PRSS57: variants seen among roughly 807,000 people sequenced by gnomAD.
PRSS57 encodes neutrophil serine protease 4.
Under a neutral mutation model 20.6 loss-of-function variants are expected in PRSS57, and 19 were observed. The ratio of observed to expected loss-of-function variants is 0.92; its 90% CI spans 0.64 to 1.35. PRSS57 has a LOEUF of 1.35. Ranked by LOEUF, PRSS57 falls within the 40% of genes most tolerant of loss-of-function variation. The probability of loss-of-function intolerance (pLI) is 0.00; values close to 1 mark genes in which losing one functional copy is unlikely to be tolerated. For synonymous variants in PRSS57, 203 were observed against 176.6 expected (o/e 1.15, Z -1.19); for missense variants, 440 against 403.7 (o/e 1.09, Z -0.77).
chr19:693,103 A>ATT (rs545511003), intron 2 of PRSS57, among the ~76,000 whole-genome samples: 3 of 146,486 alleles, frequency 2.0e-5, no homozygotes, highest in East Asian at 2.0e-4. Context: ...AATTTTTTGT[A>ATT]TTTTTTTTTA....
intron 4 of PRSS57, 69 bp from the exon 5 acceptor site, chr19:685,991 C>G: frequency 1.5e-6 from 2 of 1,341,776 alleles, no homozygotes; most frequent in South Asian, 2.6e-5. Flanking sequence ...CCACGGCCCT[C>G]CCTGCCTCAG....
rs1411213887 is a variant in PRSS57 at position 685,805 on chromosome 19, C to A, written c.760G>T (p.Val254Leu). The stretch of plus-strand genomic sequence containing the variant: ...CGAACCACGTCCCAGATCCAGGCCA[C>A]AAAGGCGGACACCTGCGTGTACACG... ...PDVYTQVSAF[V>L]AWIWDVVRRS... The change falls in exon 5 of 5, where the codon GTG (valine) becomes TTG (leucine). Residue 254 changes from valine (V) to leucine (L), a missense_variant. By Grantham distance (32) the Val-to-Leu change is conservative. Coordinates refer to ENST00000329267, the MANE Select transcript of PRSS57 (RefSeq NM_001308209.2). 3.2e-6 allele frequency: 5 copies of A among 1,565,996 alleles called. No homozygotes were observed. The South Asian group carries it at 5.9e-5, about 18-fold the overall frequency.
chr19:685,955 C>G, intron 4 of PRSS57, 33 bp from the exon 5 acceptor site: 1 of 1,501,794 alleles, frequency 6.7e-7, no homozygotes. Context: ...GTCAGGGCCT[C>G]TGGGAGCTGC....
At chr19:689,222 G>T (rs565722023) in intron 3 of PRSS57, among the ~76,000 whole-genome samples, 6 of 77,150 alleles carry the variant, frequency 7.8e-5, no homozygotes, top group Non-Finnish European at 1.6e-4. Flanking sequence ...AGGTGACGAC[G>T]GGGTGGTCCA....
chr19:695,007 G>T, intron 1 of PRSS57, 40 bp from the exon 2 acceptor site: 1 of 1,485,238 alleles, frequency 6.7e-7, no homozygotes. Context: ...GAGGCGGGAG[G>T]AACGGATGAC....
Position 685,845 on chromosome 19 carries a change from G to A in PRSS57, c.720C>T (p.Asp240=), listed in dbSNP as rs368821350. The A allele has an allele frequency of 8.8e-5, 137 of 1,561,448 alleles. No individual in the cohort carries two copies. Among genetic ancestry groups the A allele is most frequent in the Non-Finnish European group, 1.1e-4 (128 of 1,153,250 alleles). ...GCGTGTACACGTCGGGGGTCTTGGG[G>A]TCGCCGCACCAGAGGCCCGAGAAGG... The part of the protein sequence containing the change: ...LVSFSGLWCG[D]PKTPDVYTQV... The change falls in exon 5 of 5, where the codon GAC becomes GAT. Residue 240 remains aspartate, a synonymous_variant. Transcript: ENST00000329267.
intron 3 of PRSS57, among the ~76,000 whole-genome samples, chr19:689,220 A>AGGG (rs1568207866): frequency 4.2e-4 from 27 of 64,852 alleles, no homozygotes; most frequent in South Asian, 9.0e-4. Flanking sequence ...GCAGGTGACG[A>AGGG]CGGGGTGGTC....
At position 694,957 on chromosome 19, in the gene PRSS57, C is replaced by T. The variant is rs1288976025; in HGVS notation, c.90G>A (p.Gly30=). 5 of 1,543,062 alleles carry T rather than the reference C, an allele frequency of 3.2e-6. No homozygotes were observed. In the South Asian group the frequency reaches 6.1e-5, roughly 19 times the overall value. Residue 30 remains glycine, a synonymous_variant, in exon 2 of 5, where the codon GGG becomes GGA. Transcript: ENST00000329267. ...MLPVKPPGSW[G]AQIIGGHEVT... ...CCTCGTGGCCCCCGATGATCTGGGC[C>T]CCCCAGGAGCCTGCTGGAGGGACGG...
chr19:694,036 A>G (rs2031721877), intron 2 of PRSS57, among the ~76,000 whole-genome samples: 3 of 151,480 alleles, frequency 2.0e-5, no homozygotes, highest in African/African-American at 4.8e-5. Context: ...CACCGCACCC[A>G]GCCTAATTTT....
At chr19:694,708 C>T in intron 2 of PRSS57, 106 bp downstream of exon 2, 1 of 1,298,766 alleles carries the variant, frequency 7.7e-7, no homozygotes, top group South Asian at 1.5e-5. Context: ...GCTGAGACTC[C>T]CCCTCCTGCA....
At chr19:690,777 T>C (rs1042100540) in intron 3 of PRSS57, 7 of 349,578 alleles carry the variant, frequency 2.0e-5, no homozygotes, top group African/African-American at 1.5e-4. Flanking sequence ...GCCGTCATCC[T>C]GGCCAAGCTC....
intron 3 of PRSS57, among the ~76,000 whole-genome samples, chr19:689,445 G>T (rs1231462684): frequency 2.6e-5 from 4 of 151,908 alleles, no homozygotes; most frequent in Non-Finnish European, 4.4e-5. Context: ...AGCTCGGAGC[G>T]GAGACTGTGC....
Position 687,087 on chromosome 19 carries a change from G to A in PRSS57, c.480C>T (p.Gly160=), listed in dbSNP as rs202058300. Residue 160 remains glycine (G), a synonymous_variant, in exon 4 of 5, where the codon GGC becomes GGT. Coordinates refer to ENST00000329267, the MANE Select transcript of PRSS57 (RefSeq NM_001308209.2). Reference sequence around the variant, plus strand: ...CCTCAAAGTCAGACACGAAGCCCCAGCCAGCCACCCGGCACCGTGTCCCCG... The same window carrying A: ...CCTCAAAGTCAGACACGAAGCCCCAACCAGCCACCCGGCACCGTGTCCCCG... ...PTAGTRCRVA[G]WGFVSDFEEL... The A allele has an allele frequency of 3.1e-6, 5 of 1,613,842 alleles. No individual in the cohort carries two copies. In the East Asian group the frequency reaches 1.1e-4, roughly 36 times the overall value.
At chr19:693,606 TC>T (rs1356168343) in intron 2 of PRSS57, among the ~76,000 whole-genome samples, 1 of 152,166 alleles carries the variant, frequency 6.6e-6, no homozygotes, top group Non-Finnish European at 1.5e-5. Flanking sequence ...TCTCACTCTT[TC>T]CCCTAGGCTG....
intron 3 of PRSS57, among the ~76,000 whole-genome samples, chr19:687,551 C>T (rs2031515701): frequency 6.6e-6 from 1 of 151,988 alleles, no homozygotes; most frequent in Non-Finnish European, 1.5e-5. Flanking sequence ...GGATTACAGG[C>T]GTGCACCACC....
chr19:694,700 T>C, intron 2 of PRSS57, 114 bp downstream of exon 2: 1 of 1,235,018 alleles, frequency 8.1e-7, no homozygotes, highest in Non-Finnish European at 1.1e-6. Flanking sequence ...CAGCCCCTGC[T>C]GAGACTCCCC....
Position 691,841 on chromosome 19 carries a change from C to T in PRSS57, c.378+17G>A. On this transcript the variant is annotated intron_variant, in intron 3 of 4. Coordinates refer to ENST00000329267, the MANE Select transcript of PRSS57 (RefSeq NM_001308209.2). ...CTCAAAAACTAAACATACGTCAGAT[C>T]CACCCCCGGGGCTCACCCGCAGCAG... 7.6e-7 allele frequency: 1 copy of T among 1,324,314 alleles called. No homozygotes were observed. The highest frequency in any genetic ancestry group is 2.8e-5 in the South Asian group (1 of 36,076). 82.0% of individuals were successfully genotyped at this position (1,324,314 alleles called of 1,614,324 possible). A position where few individuals can be genotyped will look rare whatever the true frequency, so the allele number is the denominator to read the frequency against.
chr19:686,701 A>G (rs535165359), intron 4 of PRSS57, among the ~76,000 whole-genome samples: 1 of 152,268 alleles, frequency 6.6e-6, no homozygotes, highest in African/African-American at 2.4e-5. Context: ...CTGCTTGTAT[A>G]AATACACAAG....
chr19:689,998 A>G (rs1015380296), intron 3 of PRSS57, among the ~76,000 whole-genome samples: 3 of 151,326 alleles, frequency 2.0e-5, no homozygotes, highest in Admixed American at 2.0e-4. Context: ...GGTTGCAGTG[A>G]GCCCTGACTG....
Sources: gnomAD v4.1 joint callset for allele counts (sites outside exome capture counted in the v4.1 genomes callset) on GRCh38, gnomAD v4.1.1 for gene constraint, MANE v1.5 for transcripts, NCBI Gene and HGNC (gene_info 2026-07-23, HGNC 2026-07-21) for gene names.